Variants in LZTR1 observed in about 807,000 individuals in gnomAD.
The protein encoded by LZTR1 is leucine zipper like post translational regulator 1.
Under a neutral mutation model 105.7 loss-of-function variants are expected in LZTR1, and 260 were observed. That is an observed-to-expected ratio of 2.46 (90% CI 2.22 to 2.72). The LOEUF is 2.72. Ranked by LOEUF, LZTR1 falls within the 30% of genes most tolerant of loss-of-function variation. The probability of loss-of-function intolerance (pLI) is 0.00; values close to 1 mark genes in which losing one functional copy is unlikely to be tolerated. For synonymous variants in LZTR1, 490 were observed against 476.4 expected (o/e 1.03, Z -0.37); for missense variants, 1,214 against 1,166.9 (o/e 1.04, Z -0.59).
chr22:20,995,991 A>G lies in LZTR1; in HGVS notation c.2098A>G (p.Met700Val), dbSNP rs755871821. 8.7e-6 allele frequency: 14 copies of G among 1,613,610 alleles called. No individual in the cohort carries two copies. Among genetic ancestry groups the G allele is most frequent in the Middle Eastern group, 3.3e-4 (2 of 6,084 alleles). Residue 700 changes from methionine (M) to valine (V), a missense_variant, in exon 18 of 21, where the codon ATG (methionine) becomes GTG (valine). Met to Val is a conservative substitution (Grantham distance 21). Transcript: ENST00000646124. ...SYFEAMFRSF[M>V]PEDGQVNISI... ...CTTTGAAGCCATGTTCCGGTCCTTC[A>G]TGCCCGAAGATGGGCAGGTGAACAT...
At chr22:20,986,375 A>ATGAT (rs1924379729) in intron 3 of LZTR1, 1 of 126,322 alleles carries the variant, frequency 7.9e-6, no homozygotes, top group African/African-American at 3.0e-5. Flanking sequence ...AGATAGACAG[A>ATGAT]TGATAGATAG....
chr22:20,994,956 G>A lies in LZTR1; in HGVS notation c.1872G>A (p.Leu624=). The stretch of plus-strand genomic sequence containing the variant: ...AGTTCGAGCGCCTCTCCTCTCCACT[G>A]ATAGTGGAGATTGTGCGGCGGAAGC... The part of the protein sequence containing the change: ...MKEFERLSSP[L]IVEIVRRKQQ... Residue 624 remains leucine (L), a synonymous_variant, in exon 16 of 21, where the codon CTG becomes CTA. Coordinates refer to ENST00000646124, the MANE Select transcript of LZTR1 (RefSeq NM_006767.4). The A allele has an allele frequency of 6.2e-7, 1 of 1,612,530 alleles. No homozygotes were observed. The highest frequency in any genetic ancestry group is 1.1e-5 in the South Asian group (1 of 91,084).
intron 5 of LZTR1, 125 bp from the exon 6 acceptor site, chr22:20,988,664 G>A (rs768029314): frequency 1.0e-4 from 71 of 695,486 alleles, no homozygotes; most frequent in Non-Finnish European, 1.8e-4. Flanking sequence ...AGGTCCTGAA[G>A]CCCCAGTGTC....
intron 20 of LZTR1, 70 bp downstream of exon 20, chr22:20,997,036 GC>G: frequency 6.5e-7 from 1 of 1,532,528 alleles, no homozygotes; most frequent in Non-Finnish European, 9.0e-7. Flanking sequence ...CAGGGAGGGT[GC>G]CCAGGCTCTG....
chr22:20,988,450 A>G (rs958548723), intron 5 of LZTR1, among the ~76,000 whole-genome samples: 2 of 152,176 alleles, frequency 1.3e-5, no homozygotes, highest in African/African-American at 4.8e-5. Flanking sequence ...AGCCTGGGAG[A>G]CAGAACAAGA....
At position 20,992,430 on chromosome 22, in the gene LZTR1, A is replaced by C. The variant is rs756876; in HGVS notation, c.1149+61A>C. On this transcript the variant is annotated intron_variant, in intron 10 of 20. Transcript: ENST00000646124. ...CCCTGAAACAGGTCCTGTGATCAAC[A>C]CCTCTCACACATGGGGAGACTGAGG... is the stretch of plus-strand genomic sequence containing the variant. 936,333 of 1,510,680 alleles carry C rather than the reference A, an allele frequency of 0.62. 292,435 individuals carry two copies. The highest frequency in any genetic ancestry group is 0.77 in the Admixed American group (39,010 of 50,970). 93.6% of individuals were successfully genotyped at this position (1,510,680 alleles called of 1,614,324 possible).
intron 4 of LZTR1, 24 bp downstream of exon 4, chr22:20,987,607 GGGCTGTGTCGCCCCGA>G (rs1569154540): frequency 6.2e-7 from 1 of 1,606,952 alleles, no homozygotes; most frequent in Admixed American, 1.7e-5. Flanking sequence ...TGCCTCCCAG[GGGCTGTGTCGCCCCGA>G]GGCCCACAGA....
chr22:20,995,889 C>T lies in LZTR1; in HGVS notation c.2069+17C>T. 1 of 1,612,680 alleles carries T rather than the reference C, an allele frequency of 6.2e-7. No individual in the cohort carries two copies. Among genetic ancestry groups the T allele is most frequent in the African/African-American group, 1.3e-5 (1 of 74,930 alleles). On this transcript the variant is annotated intron_variant, in intron 17 of 20. Transcript: ENST00000646124. The stretch of plus-strand genomic sequence containing the variant: ...CCGCTCCAGGTGGGTGGGGGCTGGA[C>T]AGGAGGGGAGGGTGGGCCTGGATGG...
chr22:20,993,653 C>A lies in LZTR1; in HGVS notation c.1261-9C>A. On this transcript the variant is annotated splice_polypyrimidine_tract_variant and intron_variant, in intron 11 of 20. Coordinates refer to ENST00000646124, the MANE Select transcript of LZTR1 (RefSeq NM_006767.4). ...TGCAACATCTAGTCTCACTGGGCCCCTCTTGCAGTTCTCCTGTTACCCTAA... is the reference window on the plus strand; with the variant it reads ...TGCAACATCTAGTCTCACTGGGCCCATCTTGCAGTTCTCCTGTTACCCTAA... 1 of 1,611,958 alleles carries A rather than the reference C, an allele frequency of 6.2e-7. No homozygotes were observed. Among genetic ancestry groups the A allele is most frequent in the Non-Finnish European group, 8.5e-7 (1 of 1,178,816 alleles).
intron 3 of LZTR1, 195 bp downstream of exon 3, chr22:20,986,092 G>A (rs962209433): frequency 4.4e-5 from 27 of 608,642 alleles, no homozygotes; most frequent in Middle Eastern, 3.9e-4. Flanking sequence ...TAACCACCCC[G>A]CACCTGCAGC....
chr22:20,997,492 G>A lies in LZTR1; in HGVS notation c.*144G>A, dbSNP rs1374744181. 2.3e-5 allele frequency: 15 copies of A among 657,990 alleles called. No individual in the cohort carries two copies. Among genetic ancestry groups the A allele is most frequent in the Non-Finnish European group, 4.0e-5 (15 of 376,922 alleles). The allele number at this position is 657,990 out of a possible 1,614,324, so 40.8% of individuals were successfully genotyped here. ...AGGGTGCCCAGAGCCTCCAAAGAGAGCTGAGGGGATGTGGGGCCCCAAACT... is the reference window on the plus strand; with the variant it reads ...AGGGTGCCCAGAGCCTCCAAAGAGAACTGAGGGGATGTGGGGCCCCAAACT... On this transcript the variant is annotated 3_prime_UTR_variant, in exon 21 of 21. Coordinates refer to ENST00000646124, the MANE Select transcript of LZTR1 (RefSeq NM_006767.4).
intron 2 of LZTR1, among the ~76,000 whole-genome samples, chr22:20,985,220 G>A (rs1332584179): frequency 2.6e-5 from 4 of 151,958 alleles, no homozygotes; most frequent in Admixed American, 6.6e-5. Context: ...ACCATGCCAG[G>A]CTAATTTTTT....
Position 20,991,655 on chromosome 22 carries a change from G to A in LZTR1, c.819G>A (p.Leu273=). The change falls in exon 9 of 21, where the codon CTG becomes CTA. Residue 273 remains leucine (L), a synonymous_variant. Coordinates refer to ENST00000646124, the MANE Select transcript of LZTR1 (RefSeq NM_006767.4). ...GGACACGCATCCCAACTGAACACCT[G>A]CTCCGGGGCTCCCCACCACCCCCGC... ...KTWTRIPTEH[L]LRGSPPPPQR... 11 of 1,601,098 alleles carry A rather than the reference G, an allele frequency of 6.9e-6. No individual in the cohort carries two copies. Among genetic ancestry groups the A allele is most frequent in the Non-Finnish European group, 9.3e-6 (11 of 1,177,582 alleles).
intron 10 of LZTR1, 196 bp from the exon 11 acceptor site, chr22:20,992,598 C>T: frequency 1.6e-6 from 1 of 629,422 alleles, no homozygotes; most frequent in South Asian, 2.0e-5. Context: ...GTCTCCATGG[C>T]CCGTCATGCC....
rs116490969 is a variant in LZTR1, at chr22:20,985,349, C to T, written c.264-492C>T. On this transcript the variant is annotated intron_variant, in intron 2 of 20. Coordinates refer to ENST00000646124, the MANE Select transcript of LZTR1 (RefSeq NM_006767.4). ...TGCTGGGATTACAGGCGTGAGCCAC[C>T]GAGCCCAGCCCATTGTCTCTATTTC... Among the ~76,000 whole-genome samples the T allele has an allele frequency of 4.8e-3, 726 of 152,200 alleles. 5 individuals carry two copies. The highest frequency in any genetic ancestry group is 0.017 in the African/African-American group (691 of 41,530).
chr22:20,982,706 C>A, intron 1 of LZTR1, 135 bp downstream of exon 1: 1 of 876,952 alleles, frequency 1.1e-6, no homozygotes. Context: ...CTGTACAGGA[C>A]GCTGTTCAGG....
rs77604252 is a variant in LZTR1 at position 20,990,663 on chromosome 22, C to T, written c.791+138C>T. 3.2e-3 allele frequency: 2,996 copies of T among 924,026 alleles called. 66 individuals carry two copies. The African/African-American group carries it at 0.044, about 14-fold the overall frequency. The allele number at this position is 924,026 out of a possible 1,614,324, so 57.2% of individuals were successfully genotyped here. A position where few individuals can be genotyped will look rare whatever the true frequency, so the allele number is the denominator to read the frequency against. The stretch of plus-strand genomic sequence containing the variant: ...CTGCAAACAGCAGGAGGTTACAGCC[C>T]GGAGCAGGGATGTGCGGTGCCCCTG... On this transcript the variant is annotated intron_variant, in intron 8 of 20. Transcript: ENST00000646124.
In LZTR1 at chr22:20,996,000, G is replaced by A. The variant is rs778230140; in HGVS notation, c.2107G>A (p.Asp703Asn). The A allele has an allele frequency of 6.8e-6, 11 of 1,613,766 alleles. No individual in the cohort carries two copies. Among genetic ancestry groups the A allele is most frequent in the Non-Finnish European group, 8.5e-6 (10 of 1,180,036 alleles). The change falls in exon 18 of 21, where the codon GAT becomes AAT. Residue 703 changes from aspartate (D) to asparagine (N), a missense_variant. Asp to Asn is a conservative substitution (Grantham distance 23). Coordinates refer to ENST00000646124, the MANE Select transcript of LZTR1 (RefSeq NM_006767.4). The stretch of plus-strand genomic sequence containing the variant: ...CATGTTCCGGTCCTTCATGCCCGAA[G>A]ATGGGCAGGTGAACATCTCCATCGG... ...EAMFRSFMPE[D>N]GQVNISIGEM...
At position 20,994,230 on chromosome 22, in the gene LZTR1, C is replaced by A. The variant is rs768530578; in HGVS notation, c.1576C>A (p.Gln526Lys). ...GGCCCGGCCCTTCGAGGTGCTCATG[C>A]AGTTCCTCTACACCGACAAGATCAA... ...AEARPFEVLM[Q>K]FLYTDKIKYP... The change falls in exon 14 of 21, where the codon CAG becomes AAG. Residue 526 changes from glutamine to lysine, a missense_variant. Physicochemically the swap from Gln to Lys is moderately conservative, Grantham distance 53 (BLOSUM62 1). Coordinates refer to ENST00000646124, the MANE Select transcript of LZTR1 (RefSeq NM_006767.4). 6.2e-7 allele frequency: 1 copy of A among 1,600,096 alleles called. No homozygotes were observed. The highest frequency in any genetic ancestry group is 8.5e-7 in the Non-Finnish European group (1 of 1,179,520).
Sources: allele counts gnomAD v4.1 joint callset (sites outside exome capture counted in the v4.1 genomes callset), GRCh38; gene constraint gnomAD v4.1.1; transcripts MANE v1.5; gene names NCBI Gene and HGNC (gene_info 2026-07-23, HGNC 2026-07-21).